Variants in GRAMD1B observed in about 807,000 individuals in gnomAD.
GRAMD1B encodes protein Aster-B.
In GRAMD1B, 37 loss-of-function variants were observed where a neutral mutation model predicts 99.7. The observed-to-expected ratio is 0.37, with a 90% CI of 0.29 to 0.49. The LOEUF is 0.49. Ranked by LOEUF, GRAMD1B falls within the 20% of genes least tolerant of loss-of-function variation. The pLI, the probability that GRAMD1B is intolerant of heterozygous loss-of-function variation, is 0.98. For synonymous variants in GRAMD1B, 427 were observed against 387.6 expected (o/e 1.10, Z -1.19); for missense variants, 888 against 1,009.2 (o/e 0.88, Z 1.63).
chr11:123,571,388 C>A (rs1376990490), intron 2 of GRAMD1B, among the ~76,000 whole-genome samples: 1 of 152,172 alleles, frequency 6.6e-6, no homozygotes, highest in Non-Finnish European at 1.5e-5. Flanking sequence ...CAGAGAGTCA[C>A]TGAAGAAAGC....
intron 2 of GRAMD1B, among the ~76,000 whole-genome samples, chr11:123,545,718 G>A (rs1944986544): frequency 6.7e-6 from 1 of 150,354 alleles, no homozygotes; most frequent in Non-Finnish European, 1.5e-5. Context: ...TCATTGATAA[G>A]AGTATTATGT....
chr11:123,380,573 C>A (rs1364698312), intron 1 of GRAMD1B, among the ~76,000 whole-genome samples: 1 of 152,162 alleles, frequency 6.6e-6, no homozygotes, highest in African/African-American at 2.4e-5. Context: ...GGTGTTCAAA[C>A]CTGCAAATAT....
Position 123,456,699 on chromosome 11 carries a change from C to G in GRAMD1B, c.375-24117C>G, listed in dbSNP as rs558582797. Among the ~76,000 whole-genome samples the G allele has an allele frequency of 2.6e-5, 4 of 152,060 alleles. No individual in the cohort carries two copies. The East Asian group carries it at 7.8e-4, about 30-fold the overall frequency. The stretch of plus-strand genomic sequence containing the variant: ...CTTTGGGAGGCTGAGTCAGGCAGAT[C>G]ACTTGAGGTCAGGAGTTTGAGACCA... On this transcript the variant is annotated intron_variant, in intron 1 of 19. Coordinates refer to ENST00000635736, the MANE Select transcript of GRAMD1B (RefSeq NM_001387025.1).
chr11:123,465,872 G>T (rs990722414), intron 1 of GRAMD1B, among the ~76,000 whole-genome samples: 2 of 152,158 alleles, frequency 1.3e-5, no homozygotes, highest in African/African-American at 4.8e-5. Context: ...AAAGCTCTCT[G>T]TGTGTACTGG....
At chr11:123,600,713 C>G (rs1951840371) in intron 8 of GRAMD1B, among the ~76,000 whole-genome samples, 165 bp downstream of exon 8, 1 of 152,158 alleles carries the variant, frequency 6.6e-6, no homozygotes, top group Non-Finnish European at 1.5e-5. Flanking sequence ...CCTCAACACC[C>G]CCAGGAGTAA....
intron 3 of GRAMD1B, among the ~76,000 whole-genome samples, chr11:123,583,192 A>G (rs1189114119): frequency 6.8e-6 from 1 of 147,704 alleles, no homozygotes; most frequent in South Asian, 2.2e-4. Flanking sequence ...GTTTGTGTAT[A>G]TGTGTGTGTA....
In GRAMD1B at chr11:123,622,517, G is replaced by C; in HGVS notation, c.2556G>C (p.Ser852=). The change falls in exon 20 of 20, where the codon TCG becomes TCC. Residue 852 remains serine, a synonymous_variant. Transcript: ENST00000635736. ...TTTCTGTCTTGCAGATGAAGGACTC[G>C]CTCATCAACCTTCAGAACGGCATCA... ...SVMLLDQMKD[S]LINLQNGIRS... is the part of the protein sequence containing the mutation. 1.9e-6 allele frequency: 3 copies of C among 1,553,528 alleles called. No homozygotes were observed. Among genetic ancestry groups the C allele is most frequent in the Non-Finnish European group, 2.6e-6 (3 of 1,146,440 alleles).
At chr11:123,535,777 T>C (rs1016197968) in intron 2 of GRAMD1B, among the ~76,000 whole-genome samples, 3 of 152,226 alleles carry the variant, frequency 2.0e-5, no homozygotes, top group African/African-American at 4.8e-5. Context: ...CATTAGAACA[T>C]TGCCTATACG....
intron 2 of GRAMD1B, among the ~76,000 whole-genome samples, chr11:123,538,030 C>T (rs1480740209): frequency 1.3e-5 from 2 of 152,126 alleles, no homozygotes; most frequent in Non-Finnish European, 2.9e-5. Context: ...CACAAGGTAC[C>T]CTTAGCCACA....
intron 2 of GRAMD1B, among the ~76,000 whole-genome samples, chr11:123,548,325 T>TATACACACACACACACACACAC (rs1555067740): frequency 1.2e-4 from 10 of 86,884 alleles, no homozygotes; most frequent in Non-Finnish European, 1.3e-4. Context: ...TATATATATA[T>TATACACACACACACACACACAC]ACACACACAC....
At chr11:123,596,176 G>A (rs1433075083) in intron 7 of GRAMD1B, 139 bp downstream of exon 7, 1 of 561,360 alleles carries the variant, frequency 1.8e-6, no homozygotes, top group African/African-American at 1.9e-5. Flanking sequence ...CAGATTCCAG[G>A]AAGCACCTCC....
chr11:123,489,279 G>A (rs747401928), intron 2 of GRAMD1B, among the ~76,000 whole-genome samples: 3 of 152,198 alleles, frequency 2.0e-5, no homozygotes, highest in Non-Finnish European at 2.9e-5. Flanking sequence ...TAGTCATGTA[G>A]AGTGAACTAC....
At chr11:123,420,224 C>T (rs912010277) in intron 1 of GRAMD1B, among the ~76,000 whole-genome samples, 5 of 152,158 alleles carry the variant, frequency 3.3e-5, no homozygotes, top group African/African-American at 9.7e-5. Context: ...TTCTCCTCTG[C>T]GGTCCAAAGT....
At chr11:123,495,678 CT>C (rs556302274) in intron 2 of GRAMD1B, among the ~76,000 whole-genome samples, 276 of 114,352 alleles carry the variant, frequency 2.4e-3, no homozygotes, top group East Asian at 5.9e-3. Flanking sequence ...CTTTCTTCTT[CT>C]TTTTTTTTTT....
chr11:123,617,415 C>T (rs1224599225), intron 17 of GRAMD1B, among the ~76,000 whole-genome samples: 2 of 151,996 alleles, frequency 1.3e-5, no homozygotes, highest in East Asian at 3.9e-4. Context: ...TTTTGAACTC[C>T]CCAGCTCAAG....
chr11:123,509,809 G>A (rs1940797991), intron 2 of GRAMD1B: 1 of 152,334 alleles, frequency 6.6e-6, no homozygotes, highest in South Asian at 2.1e-4. Flanking sequence ...GCCTGTCCCT[G>A]CTGGGCAGGA....
At chr11:123,601,224 C>T (rs760734895) in intron 8 of GRAMD1B, among the ~76,000 whole-genome samples, 6 of 152,092 alleles carry the variant, frequency 3.9e-5, no homozygotes, top group Non-Finnish European at 7.4e-5. Flanking sequence ...GATGCCACAA[C>T]TTAAAGTACA....
intron 15 of GRAMD1B, 36 bp downstream of exon 15, chr11:123,612,900 AGAGATG>A: frequency 8.1e-7 from 1 of 1,236,644 alleles, no homozygotes; most frequent in Non-Finnish European, 1.2e-6. Context: ...GCTGGGCTGC[AGAGATG>A]GTAAACTGCA....
At position 123,476,396 on chromosome 11, in the gene GRAMD1B, C is replaced by T. The variant is rs192700252; in HGVS notation, c.375-4420C>T. Among the ~76,000 whole-genome samples, 506 of 152,274 alleles carry T rather than the reference C, an allele frequency of 3.3e-3. 6 individuals carry two copies. Among genetic ancestry groups the T allele is most frequent in the Admixed American group, 0.028 (428 of 15,294 alleles). ...GATTACAGGCGTGAGCCACCGCACCCGGCCCATTTAACTTCTTTAAGACTG... is the reference window on the plus strand; with the variant it reads ...GATTACAGGCGTGAGCCACCGCACCTGGCCCATTTAACTTCTTTAAGACTG... On this transcript the variant is annotated intron_variant, in intron 1 of 19. Transcript: ENST00000635736.
Sources: allele counts gnomAD v4.1 joint callset (sites outside exome capture counted in the v4.1 genomes callset), GRCh38; gene constraint gnomAD v4.1.1; transcripts MANE v1.5; gene names NCBI Gene and HGNC (gene_info 2026-07-23, HGNC 2026-07-21).